Variants in TMEM108 observed in about 807,000 individuals in gnomAD.
The protein encoded by TMEM108 is transmembrane protein 108, also known as cancer/testis antigen 124.
In TMEM108, 12 loss-of-function variants were observed where a neutral mutation model predicts 35.1. The observed-to-expected ratio is 0.34, with a 90% confidence interval of 0.22 to 0.55. TMEM108 has a LOEUF of 0.55. Ranked by LOEUF, TMEM108 falls within the 20% of genes least tolerant of loss-of-function variation. The pLI is 0.89. For synonymous variants in TMEM108, 287 were observed against 308.6 expected (o/e 0.93, Z 0.73); for missense variants, 680 against 753.3 (o/e 0.90, Z 1.14).
intron 3 of TMEM108, among the ~76,000 whole-genome samples, chr3:133,336,558 C>A (rs1345663439): frequency 6.6e-6 from 1 of 152,000 alleles, no homozygotes; most frequent in East Asian, 1.9e-4. Flanking sequence ...GGTACTTTGC[C>A]ATGGGTCTTG....
At chr3:133,204,251 C>A (rs1373185756) in intron 2 of TMEM108, among the ~76,000 whole-genome samples, 1 of 145,698 alleles carries the variant, frequency 6.9e-6, no homozygotes, top group Non-Finnish European at 1.5e-5. Flanking sequence ...AAAAATAGCT[C>A]CTGGATTCAT....
intron 2 of TMEM108, among the ~76,000 whole-genome samples, chr3:133,150,392 G>A (rs199977154): frequency 3.1e-5 from 3 of 96,608 alleles, no homozygotes; most frequent in African/African-American, 1.3e-4. Context: ...TATATATTTC[G>A]GATATTAGCC....
At chr3:133,270,803 ACACACACACACACACACTCACACACT>A (rs1559888129) in intron 3 of TMEM108, among the ~76,000 whole-genome samples, 4 of 150,930 alleles carry the variant, frequency 2.7e-5, no homozygotes, top group Non-Finnish European at 5.9e-5. Context: ...GTACACACAC[ACACACACACACACACACTCACACACT>A]CACACACACA....
At chr3:133,235,737 G>A (rs1321266096) in intron 3 of TMEM108, among the ~76,000 whole-genome samples, 1 of 152,086 alleles carries the variant, frequency 6.6e-6, no homozygotes, top group Non-Finnish European at 1.5e-5. Context: ...GGAACCTTCT[G>A]GTTCACAAAG....
intron 2 of TMEM108, among the ~76,000 whole-genome samples, chr3:133,225,080 T>G (rs1461427081): frequency 6.7e-6 from 1 of 148,294 alleles, no homozygotes; most frequent in Non-Finnish European, 1.5e-5. Flanking sequence ...AGTCCTGCTC[T>G]GCCGCCTAGG....
At chr3:133,079,334 T>A (rs560383975) in intron 2 of TMEM108, among the ~76,000 whole-genome samples, 1 of 152,318 alleles carries the variant, frequency 6.6e-6, no homozygotes, top group South Asian at 2.1e-4. Flanking sequence ...TGTTCGTCAT[T>A]ATCTTTATTT....
intron 2 of TMEM108, among the ~76,000 whole-genome samples, chr3:133,083,165 G>C (rs925724464): frequency 6.6e-6 from 1 of 150,574 alleles, no homozygotes; most frequent in African/African-American, 2.4e-5. Flanking sequence ...GACATTACTT[G>C]GAAAGCCCCC....
chr3:133,353,737 C>T (rs1188539687), intron 3 of TMEM108, among the ~76,000 whole-genome samples: 1 of 152,166 alleles, frequency 6.6e-6, no homozygotes, highest in African/African-American at 2.4e-5. Flanking sequence ...CTTAAACTTA[C>T]ACACATAGAG....
chr3:133,240,274 G>C (rs1206677606), intron 3 of TMEM108, among the ~76,000 whole-genome samples: 1 of 152,142 alleles, frequency 6.6e-6, no homozygotes, highest in Non-Finnish European at 1.5e-5. Context: ...CTCTTTCCAA[G>C]ATGATATTAA....
chr3:133,389,858 A>G (rs147783115), intron 4 of TMEM108, among the ~76,000 whole-genome samples: 7 of 152,282 alleles, frequency 4.6e-5, no homozygotes, highest in East Asian at 1.9e-4. Context: ...GAATATTTCT[A>G]TGTCCTTGGA....
chr3:133,057,794 G>A (rs1943488824), intron 2 of TMEM108, among the ~76,000 whole-genome samples: 1 of 152,262 alleles, frequency 6.6e-6, no homozygotes, highest in South Asian at 2.1e-4. Flanking sequence ...ATATTATCTA[G>A]TTTAACTTTT....
chr3:133,150,694 C>A (rs960325291), intron 2 of TMEM108, among the ~76,000 whole-genome samples: 2 of 152,020 alleles, frequency 1.3e-5, no homozygotes, highest in Non-Finnish European at 2.9e-5. Context: ...TTAAAAAAAG[C>A]CATTCTGTGG....
chr3:133,351,983 T>C (rs978477591), intron 3 of TMEM108, among the ~76,000 whole-genome samples: 2 of 152,202 alleles, frequency 1.3e-5, no homozygotes, highest in Non-Finnish European at 2.9e-5. Context: ...GAACTACTTA[T>C]CATATACACA....
chr3:133,319,960 C>G (rs2071245628), intron 3 of TMEM108, among the ~76,000 whole-genome samples: 1 of 152,112 alleles, frequency 6.6e-6, no homozygotes, highest in African/African-American at 2.4e-5. Context: ...AAAAGTAATT[C>G]AGACAATATG....
At chr3:133,389,298 C>T (rs1363536276) in intron 4 of TMEM108, 2 of 985,446 alleles carry the variant, frequency 2.0e-6, no homozygotes, top group African/African-American at 3.5e-5. Flanking sequence ...ACATGTCACA[C>T]TGTGCTCAGT....
At chr3:133,263,281 G>A (rs1227274604) in intron 3 of TMEM108, among the ~76,000 whole-genome samples, 1 of 152,208 alleles carries the variant, frequency 6.6e-6, no homozygotes, top group Non-Finnish European at 1.5e-5. Context: ...TAAGCAAGTA[G>A]GTAGCAAAGA....
At chr3:133,190,867 C>T (rs555305378) in intron 2 of TMEM108, among the ~76,000 whole-genome samples, 8 of 152,148 alleles carry the variant, frequency 5.3e-5, no homozygotes, top group African/African-American at 1.9e-4. Flanking sequence ...TTGGCTCATA[C>T]GGGATGTTAC....
chr3:133,099,936 G>A (rs946623195), intron 2 of TMEM108, among the ~76,000 whole-genome samples: 3 of 152,122 alleles, frequency 2.0e-5, no homozygotes, highest in African/African-American at 4.8e-5. Flanking sequence ...TTCCAAAGTC[G>A]CTTCCACATT....
At position 133,321,661 on chromosome 3, in the gene TMEM108, T is replaced by C. The variant is rs932362296; in HGVS notation, c.41-58091T>C. Among the ~76,000 whole-genome samples the C allele has an allele frequency of 3.3e-5, 5 of 152,168 alleles. No individual in the cohort carries two copies. In the East Asian group the frequency reaches 7.7e-4, roughly 23 times the overall value. Reference sequence around the variant, plus strand: ...ACAAAGAAACAATGAACTTAAACTATGCCCTAGAACAAATGGACTTAACAG... The same window carrying C: ...ACAAAGAAACAATGAACTTAAACTACGCCCTAGAACAAATGGACTTAACAG... On this transcript the variant is annotated intron_variant, in intron 3 of 5. Transcript: ENST00000321871.
Sources: gnomAD v4.1 joint callset for allele counts (sites outside exome capture counted in the v4.1 genomes callset) on GRCh38, gnomAD v4.1.1 for gene constraint, MANE v1.5 for transcripts, NCBI Gene and HGNC (gene_info 2026-07-23, HGNC 2026-07-21) for gene names.